The following TRAPPC11 variants were observed in gnomAD, a reference collection of about 807,000 sequenced individuals.
TRAPPC11 encodes trafficking protein particle complex subunit 11.
In TRAPPC11, 104 loss-of-function variants were observed where a neutral mutation model predicts 151.2. The ratio of observed to expected loss-of-function variants is 0.69; its 90% confidence interval spans 0.59 to 0.81. The LOEUF (loss-of-function observed/expected upper bound fraction) is 0.81, where lower values mean the gene tolerates loss of function less well. Ranked by LOEUF, TRAPPC11 falls within the 30% of genes least tolerant of loss-of-function variation. The pLI is 0.00. For synonymous variants in TRAPPC11, 456 were observed against 472.3 expected, an observed-to-expected ratio of 0.97 and a Z score of 0.45; for missense variants, 1,230 against 1,349.6, an observed-to-expected ratio of 0.91 and a Z score of 1.39.
rs79057512 is a variant in TRAPPC11, at chr4:183,705,055, C to T, written c.3040C>T (p.Leu1014Phe). The T allele has an allele frequency of 1.6e-5, 25 of 1,588,916 alleles. No individual in the cohort carries two copies. The South Asian group carries it at 1.9e-4, about 12-fold the overall frequency. ...LPHVIVENIP[L>F]HVNADLPSFG... ...GCACGTGATTGTGGAGAATATCCCT[C>T]TCCATGTGAATGCAGGTAGCGGAAT... Residue 1014 changes from leucine to phenylalanine, a missense_variant, in exon 27 of 30, where the codon CTC (leucine) becomes TTC (phenylalanine). Leu to Phe is a conservative substitution (Grantham distance 22). Transcript: ENST00000334690.
intron 11 of TRAPPC11, 58 bp from the exon 12 acceptor site, chr4:183,683,917 A>G (rs777722305): frequency 1.5e-6 from 2 of 1,343,394 alleles, no homozygotes; most frequent in Middle Eastern, 1.8e-4. Context: ...TACAACGTTC[A>G]TATGAAGATT....
At chr4:183,686,566 G>C (rs1735979318) in intron 17 of TRAPPC11, 52 bp from the exon 18 acceptor site, 1 of 1,594,982 alleles carries the variant, frequency 6.3e-7, no homozygotes, top group Admixed American at 1.7e-5. Context: ...GGATGTGTGT[G>C]GGTCGTGGGT....
At chr4:183,701,672 G>A in intron 25 of TRAPPC11, 25 bp from the exon 26 acceptor site, 1 of 1,505,608 alleles carries the variant, frequency 6.6e-7, no homozygotes, top group Non-Finnish European at 9.2e-7. Context: ...CATTGCATAA[G>A]GAATATAAAG....
In TRAPPC11 at chr4:183,712,752, A is replaced by G; in HGVS notation, c.*108A>G. 4.5e-6 allele frequency: 5 copies of G among 1,098,934 alleles called. No individual in the cohort carries two copies. Among genetic ancestry groups the G allele is most frequent in the Non-Finnish European group, 6.9e-6 (5 of 727,822 alleles). The allele number at this position is 1,098,934 out of a possible 1,614,324, so 68.1% of individuals were successfully genotyped here. The stretch of plus-strand genomic sequence containing the variant: ...TCATGGTAAAAAGTTAACCTTTTCT[A>G]TTTTTTAATGGATGTTATACCAACT... On this transcript the variant is annotated 3_prime_UTR_variant, in exon 30 of 30. Transcript: ENST00000334690.
At chr4:183,681,410 G>A (rs1735682870) in intron 10 of TRAPPC11, among the ~76,000 whole-genome samples, 1 of 152,098 alleles carries the variant, frequency 6.6e-6, no homozygotes. Context: ...TTTGAACACA[G>A]TATTTTAAAA....
At chr4:183,685,242 G>A in intron 16 of TRAPPC11, 29 bp from the exon 17 acceptor site, 6 of 1,610,912 alleles carry the variant, frequency 3.7e-6, no homozygotes, top group Non-Finnish European at 5.1e-6. Context: ...TCAACTAGTT[G>A]AATGGATGTT....
In TRAPPC11 at chr4:183,689,690, T is replaced by C. The variant is rs574803166; in HGVS notation, c.1894-1626T>C. 2.6e-5 allele frequency among the ~76,000 whole-genome samples: 4 copies of C among 151,094 alleles called. No homozygotes were observed. In the East Asian group the frequency reaches 5.9e-4, roughly 22 times the overall value. ...CCCAGGCTGGAGTGCAGTGATGTGA[T>C]CATAACTCATCTCAGCCTCAAACTC... On this transcript the variant is annotated intron_variant, in intron 18 of 29. Transcript: ENST00000334690.
intron 6 of TRAPPC11, 45 bp from the exon 7 acceptor site, chr4:183,675,119 T>A (rs2111331952): frequency 9.6e-7 from 1 of 1,044,650 alleles, no homozygotes; most frequent in East Asian, 2.9e-5. Flanking sequence ...ATTTTCACAT[T>A]TTAAATAGAA....
At chr4:183,664,856 T>A (rs1734761902) in intron 2 of TRAPPC11, among the ~76,000 whole-genome samples, 1 of 152,032 alleles carries the variant, frequency 6.6e-6, no homozygotes, top group Non-Finnish European at 1.5e-5. Flanking sequence ...GACATAGTAG[T>A]CTCTGGACCA....
In TRAPPC11 at chr4:183,693,591, T is replaced by A; in HGVS notation, c.2240T>A (p.Ile747Asn). The A allele has an allele frequency of 6.2e-7, 1 of 1,604,660 alleles. No individual in the cohort carries two copies. The highest frequency in any genetic ancestry group is 8.5e-7 in the Non-Finnish European group (1 of 1,177,718). ...DSIIIQASTM[I>N]ISRVPNISVH... ...TTAGCTAAGGTTTCTTTTCAAAGGA[T>A]CATATCCAGAGTCCCAAACATTTCT... Residue 747 changes from isoleucine to asparagine, a missense_variant and splice_region_variant, in exon 21 of 30, where the codon ATC (isoleucine) becomes AAC (asparagine). By Grantham distance (149) the Ile-to-Asn change is moderately radical (BLOSUM62 -3). Coordinates refer to ENST00000334690, the MANE Select transcript of TRAPPC11 (RefSeq NM_021942.6).
intron 5 of TRAPPC11, among the ~76,000 whole-genome samples, chr4:183,673,884 T>C (rs73002764): frequency 0.01 from 1,556 of 152,308 alleles, 19 homozygotes; most frequent in African/African-American, 0.036. Context: ...TCTGGTCAGA[T>C]TTTCTTGTTC....
chr4:183,678,159 G>T (rs1006463614), intron 8 of TRAPPC11, among the ~76,000 whole-genome samples: 1 of 152,076 alleles, frequency 6.6e-6, no homozygotes, highest in Non-Finnish European at 1.5e-5. Context: ...GGATGGTTTC[G>T]ATCTCTTGAC....
chr4:183,668,123 T>G lies in TRAPPC11; in HGVS notation c.560+6T>G. 6.6e-7 allele frequency: 1 copy of G among 1,518,586 alleles called. No homozygotes were observed. Among genetic ancestry groups the G allele is most frequent in the Non-Finnish European group, 9.0e-7 (1 of 1,111,590 alleles). 94.1% of individuals were successfully genotyped at this position (1,518,586 alleles called of 1,614,324 possible). A position where few individuals can be genotyped will look rare whatever the true frequency, so the allele number is the denominator to read the frequency against. On this transcript the variant is annotated splice_donor_region_variant and intron_variant, in intron 5 of 29. Transcript: ENST00000334690. ...CTTGTGGGTTATATTATAAGGTAAG[T>G]AGAGGTCTTTTAAAGTTTTGTTTTT...
In TRAPPC11 at chr4:183,663,842, T is replaced by A. The variant is rs1561023984; in HGVS notation, c.-21-5T>A. The A allele has an allele frequency of 6.3e-7, 1 of 1,592,096 alleles. No individual in the cohort carries two copies. The highest frequency in any genetic ancestry group is 8.6e-7 in the Non-Finnish European group (1 of 1,161,124). ...ATTATGAATGTATTAACATTTGTAT[T>A]TCAGGTTTTTTGTGACATCGTAAAC... On this transcript the variant is annotated splice_region_variant and splice_polypyrimidine_tract_variant and intron_variant, in intron 1 of 29. Coordinates refer to ENST00000334690, the MANE Select transcript of TRAPPC11 (RefSeq NM_021942.6).
chr4:183,672,648 C>T (rs1222932347), intron 5 of TRAPPC11, among the ~76,000 whole-genome samples: 2 of 152,102 alleles, frequency 1.3e-5, no homozygotes, highest in African/African-American at 2.4e-5. Context: ...ACGGTTAAAG[C>T]GAGGGAAAGA....
Position 183,693,977 on chromosome 4 carries a change from A to G in TRAPPC11, c.2447A>G (p.Asp816Gly). ...HVTLHGTELCDESYPALLTDI... is the reference protein window; with the variant it reads ...HVTLHGTELCGESYPALLTDI... ...ACTCTTCATGGAACAGAACTGTGTG[A>G]TGAATCCTACCCGGCTTTACTCACT... The change falls in exon 22 of 30, where the codon GAT becomes GGT. Residue 816 changes from aspartate to glycine, a missense_variant. Coordinates refer to ENST00000334690, the MANE Select transcript of TRAPPC11 (RefSeq NM_021942.6). The G allele has an allele frequency of 6.2e-7, 1 of 1,614,128 alleles. No individual in the cohort carries two copies. Among genetic ancestry groups the G allele is most frequent in the Non-Finnish European group, 8.5e-7 (1 of 1,179,968 alleles).
In TRAPPC11 at chr4:183,677,570, C is replaced by T. The variant is rs1735476557; in HGVS notation, c.831+16C>T. 1.6e-6 allele frequency: 2 copies of T among 1,286,850 alleles called. No individual in the cohort carries two copies. Among genetic ancestry groups the T allele is most frequent in the African/African-American group, 3.0e-5 (2 of 67,560 alleles). The allele number at this position is 1,286,850 out of a possible 1,614,324, so 79.7% of individuals were successfully genotyped here. On this transcript the variant is annotated intron_variant, in intron 8 of 29. Transcript: ENST00000334690. Reference sequence around the variant, plus strand: ...AAACTACAAGGTAATAATTCTGCTTCCAAATACAGGGAATTTGTGTTTCAA... The same window carrying T: ...AAACTACAAGGTAATAATTCTGCTTTCAAATACAGGGAATTTGTGTTTCAA...
At chr4:183,675,682 C>G (rs1220356733) in intron 7 of TRAPPC11, 2 of 152,446 alleles carry the variant, frequency 1.3e-5, no homozygotes, top group South Asian at 4.1e-4. Context: ...CCGTGTTGCT[C>G]CAATTTTAGC....
chr4:183,664,557 T>C (rs1397166620), intron 2 of TRAPPC11, among the ~76,000 whole-genome samples: 5 of 152,188 alleles, frequency 3.3e-5, no homozygotes, highest in Non-Finnish European at 7.3e-5. Context: ...ACACAGTTTA[T>C]TCATTGCGGA....
Sources: gnomAD v4.1 joint callset for allele counts (sites outside exome capture counted in the v4.1 genomes callset) on GRCh38, gnomAD v4.1.1 for gene constraint, MANE v1.5 for transcripts, NCBI Gene and HGNC (gene_info 2026-07-23, HGNC 2026-07-21) for gene names.